Variants in DGKB observed in about 807,000 individuals in gnomAD.
DGKB encodes diacylglycerol kinase beta.
In DGKB, 67 loss-of-function variants were observed where a neutral mutation model predicts 114.3. The observed-to-expected ratio is 0.59, with a 90% CI of 0.48 to 0.72. DGKB has a LOEUF of 0.72. Ranked by LOEUF, DGKB falls within the 30% of genes least tolerant of loss-of-function variation. The probability of loss-of-function intolerance (pLI) is 0.00; values close to 1 mark genes in which losing one functional copy is unlikely to be tolerated. For missense variants in DGKB, 907 were observed against 975.2 expected (o/e 0.93, Z 0.93); for synonymous variants, 398 against 323.1 (o/e 1.23, Z -2.49).
intron 25 of DGKB, among the ~76,000 whole-genome samples, chr7:14,156,718 GA>G (rs1285750965): frequency 3.9e-5 from 6 of 152,106 alleles, no homozygotes; most frequent in African/African-American, 7.2e-5. Flanking sequence ...TAAGGTGGTA[GA>G]AATAATTTTA....
chr7:14,536,913 A>G (rs1426836690), intron 20 of DGKB, among the ~76,000 whole-genome samples: 1 of 152,160 alleles, frequency 6.6e-6, no homozygotes, highest in East Asian at 1.9e-4. Flanking sequence ...GTGGCATTAT[A>G]TAAGAAAACT....
chr7:14,703,638 G>A (rs902918185), intron 6 of DGKB, among the ~76,000 whole-genome samples: 1 of 152,276 alleles, frequency 6.6e-6, no homozygotes, highest in South Asian at 2.1e-4. Context: ...CTGGTGATGG[G>A]AGGCGGCAGT....
intron 17 of DGKB, among the ~76,000 whole-genome samples, chr7:14,594,114 G>C (rs1449684152): frequency 1.3e-5 from 2 of 151,908 alleles, no homozygotes; most frequent in African/African-American, 4.8e-5. Context: ...AACTAACTTT[G>C]TTGTAATTTT....
At chr7:14,622,898 T>G (rs1807914574) in intron 14 of DGKB, among the ~76,000 whole-genome samples, 1 of 152,206 alleles carries the variant, frequency 6.6e-6, no homozygotes, top group South Asian at 2.1e-4. Flanking sequence ...TGGTCCTGAC[T>G]TCAGGATGTG....
rs571657032 is a variant in DGKB at position 14,924,387 on chromosome 7, A to T, written c.-188+50309T>A. 5.3e-5 allele frequency among the ~76,000 whole-genome samples: 8 copies of T among 152,242 alleles called. No individual in the cohort carries two copies. In the East Asian group the frequency reaches 1.5e-3, roughly 29 times the overall value. Reference sequence around the variant, plus strand: ...TGAAATTGGTTTCTCTTTTTAGTTTATGGAGTTCCTGAATCTTTCCAAAGT... The same window carrying T: ...TGAAATTGGTTTCTCTTTTTAGTTTTTGGAGTTCCTGAATCTTTCCAAAGT... On this transcript the variant is annotated intron_variant, in intron 1 of 4. Coordinates refer to the DGKB transcript ENST00000437998.
intron 1 of DGKB, among the ~76,000 whole-genome samples, chr7:14,899,307 A>G (rs967428083): frequency 6.6e-6 from 1 of 152,086 alleles, no homozygotes; most frequent in African/African-American, 2.4e-5. Context: ...CTTGTCTTTG[A>G]ATCATTGTTT....
At chr7:14,419,168 T>C (rs1029091974) in intron 21 of DGKB, among the ~76,000 whole-genome samples, 1 of 151,912 alleles carries the variant, frequency 6.6e-6, no homozygotes, top group African/African-American at 2.4e-5. Context: ...ATAAATTCAC[T>C]GTAATTACGT....
intron 23 of DGKB, among the ~76,000 whole-genome samples, chr7:14,313,449 TGC>T (rs1282621695): frequency 2.0e-5 from 3 of 152,132 alleles, no homozygotes; most frequent in Non-Finnish European, 4.4e-5. Context: ...GGCGAGGCAT[TGC>T]CTCACTCGGG....
intron 21 of DGKB, among the ~76,000 whole-genome samples, 194 bp from the exon 22 acceptor site, chr7:14,345,585 T>C (rs148697335): frequency 2.1e-4 from 32 of 151,832 alleles, no homozygotes; most frequent in African/African-American, 7.7e-4. Flanking sequence ...TTGAGGGAAT[T>C]ATAAGAATGT....
At chr7:14,647,380 T>G (rs1435269521) in intron 13 of DGKB, among the ~76,000 whole-genome samples, 1 of 152,068 alleles carries the variant, frequency 6.6e-6, no homozygotes, top group Non-Finnish European at 1.5e-5. Context: ...ACAGAGAGTT[T>G]TACTGCTGAA....
chr7:14,773,026 TAAGA>T (rs1401409281), intron 2 of DGKB, among the ~76,000 whole-genome samples: 1 of 152,206 alleles, frequency 6.6e-6, no homozygotes, highest in Non-Finnish European at 1.5e-5. Flanking sequence ...GTTGCTTTGT[TAAGA>T]GTTAATTCTA....
chr7:14,961,618 G>A (rs17168554), intron 1 of DGKB, among the ~76,000 whole-genome samples: 1,677 of 152,176 alleles, frequency 0.011, 36 homozygotes, highest in African/African-American at 0.037. Flanking sequence ...CACTCTTCTT[G>A]AAGTGGCCAC....
intron 20 of DGKB, among the ~76,000 whole-genome samples, chr7:14,523,315 T>C (rs937834921): frequency 6.6e-6 from 1 of 152,206 alleles, no homozygotes; most frequent in Admixed American, 6.5e-5. Flanking sequence ...AGAGACTACC[T>C]TTTCCTTGTT....
intron 1 of DGKB, among the ~76,000 whole-genome samples, chr7:14,885,333 G>A (rs1854866584): frequency 6.6e-6 from 1 of 151,858 alleles, no homozygotes; most frequent in Admixed American, 6.6e-5. Context: ...AGACATATAG[G>A]AGGCAAACAA....
At chr7:14,764,488 A>T (rs1836170227) in intron 2 of DGKB, among the ~76,000 whole-genome samples, 2 of 151,986 alleles carry the variant, frequency 1.3e-5, no homozygotes, top group Non-Finnish European at 2.9e-5. Context: ...TCATCCGGGG[A>T]TCTTTTAATA....
chr7:14,184,175 C>G (rs1783054100), intron 23 of DGKB, among the ~76,000 whole-genome samples: 1 of 152,166 alleles, frequency 6.6e-6, no homozygotes, highest in Non-Finnish European at 1.5e-5. Context: ...CTGCCTGGCA[C>G]CATACCACAG....
chr7:14,642,109 T>G (rs1390517133), intron 13 of DGKB, among the ~76,000 whole-genome samples: 1 of 152,134 alleles, frequency 6.6e-6, no homozygotes, highest in Non-Finnish European at 1.5e-5. Flanking sequence ...ATTACTTATT[T>G]TGTTGTCCTC....
chr7:14,250,731 G>A (rs1232325562), intron 23 of DGKB, among the ~76,000 whole-genome samples: 1 of 152,096 alleles, frequency 6.6e-6, no homozygotes, highest in Non-Finnish European at 1.5e-5. Context: ...ATGGGGTATT[G>A]AAGTCCCCTA....
intron 20 of DGKB, among the ~76,000 whole-genome samples, chr7:14,530,271 G>A (rs1159122627): frequency 6.6e-6 from 1 of 151,388 alleles, no homozygotes; most frequent in Non-Finnish European, 1.5e-5. Flanking sequence ...TACAAAAAGA[G>A]AAAATAATGA....
Sources: gnomAD v4.1 joint callset for allele counts (sites outside exome capture counted in the v4.1 genomes callset) on GRCh38, gnomAD v4.1.1 for gene constraint, MANE v1.5 for transcripts, NCBI Gene and HGNC (gene_info 2026-07-23, HGNC 2026-07-21) for gene names.